Variants in VAX2 observed in about 807,000 individuals in gnomAD.
VAX2 encodes ventral anterior homeobox 2.
In VAX2, 8 loss-of-function variants were observed where a neutral mutation model predicts 12.5. The observed-to-expected ratio is 0.64, with a 90% confidence interval of 0.37 to 1.15. VAX2 has a LOEUF of 1.15. Among genes scored for constraint, VAX2 ranks in the 50% most tolerant of loss-of-function variants. VAX2 has a pLI of 0.01. For synonymous variants in VAX2, 183 were observed against 187.6 expected (o/e 0.98, Z 0.20); for missense variants, 476 against 412.9 (o/e 1.15, Z -1.32).
intron 1 of VAX2, among the ~76,000 whole-genome samples, chr2:70,908,296 A>T (rs1452400386): frequency 2.0e-5 from 3 of 152,134 alleles, no homozygotes; most frequent in Non-Finnish European, 4.4e-5. Flanking sequence ...TACAGGTGGG[A>T]GCCACTGCAC....
At chr2:70,901,757 G>A (rs1678935673) in intron 1 of VAX2, among the ~76,000 whole-genome samples, 1 of 152,230 alleles carries the variant, frequency 6.6e-6, no homozygotes, top group Admixed American at 6.5e-5. Flanking sequence ...GGCGAGATGA[G>A]AGGAGAAAGG....
chr2:70,918,662 C>T (rs148655385), intron 1 of VAX2, among the ~76,000 whole-genome samples: 381 of 151,890 alleles, frequency 2.5e-3, no homozygotes, highest in African/African-American at 8.6e-3. Context: ...TTTGGGTGTC[C>T]GAGGTGGGCA....
intron 2 of VAX2, among the ~76,000 whole-genome samples, chr2:70,931,145 C>T (rs1307947391): frequency 6.6e-6 from 1 of 152,248 alleles, no homozygotes; most frequent in Admixed American, 6.5e-5. Flanking sequence ...GACTGAGCCT[C>T]AGCTTCCTGC....
chr2:70,908,151 T>C (rs1679100675), intron 1 of VAX2, among the ~76,000 whole-genome samples: 2 of 152,254 alleles, frequency 1.3e-5, no homozygotes, highest in African/African-American at 4.8e-5. Flanking sequence ...AATTTAAATA[T>C]ATTTCATTTA....
intron 2 of VAX2, among the ~76,000 whole-genome samples, chr2:70,924,016 C>T (rs1301855673): frequency 2.0e-5 from 3 of 152,100 alleles, no homozygotes; most frequent in Non-Finnish European, 4.4e-5. Context: ...CTGTAAACTG[C>T]AGGGTGTGGT....
chr2:70,921,339 C>T, intron 2 of VAX2, 54 bp downstream of exon 2: 1 of 1,499,584 alleles, frequency 6.7e-7, no homozygotes, highest in Non-Finnish European at 8.9e-7. Context: ...CTGGGAACTC[C>T]TGGGGATATG....
At chr2:70,931,596 G>A (rs1553414316) in intron 2 of VAX2, among the ~76,000 whole-genome samples, 2 of 152,216 alleles carry the variant, frequency 1.3e-5, no homozygotes, top group African/African-American at 4.8e-5. Flanking sequence ...AAGCCAAGGG[G>A]TCTCGCCTGC....
rs372789757 is a variant in VAX2, at chr2:70,932,981, C to T, written c.650C>T (p.Thr217Ile). The T allele has an allele frequency of 2.1e-5, 34 of 1,609,724 alleles. No individual in the cohort carries two copies. The highest frequency in any genetic ancestry group is 6.7e-5 in the Admixed American group (4 of 59,604). The change falls in exon 3 of 3, where the codon ACC (threonine) becomes ATC (isoleucine). Residue 217 changes from threonine (T) to isoleucine (I), a missense_variant. By Grantham distance (89) the Thr-to-Ile change is moderately conservative. Coordinates refer to ENST00000234392, the MANE Select transcript of VAX2 (RefSeq NM_012476.3). The stretch of plus-strand genomic sequence containing the variant: ...GGCCTACCTGCCAGCCACAGGGGCA[C>T]CTCCTTAGGTGACCCCAGGAACTCC... ...LPGLPASHRGTSLGDPRNSSP... is the reference protein window; with the variant it reads ...LPGLPASHRGISLGDPRNSSP...
intron 2 of VAX2, among the ~76,000 whole-genome samples, chr2:70,925,794 C>A (rs373860043): frequency 2.0e-5 from 3 of 152,266 alleles, no homozygotes; most frequent in African/African-American, 7.2e-5. Context: ...CTTTTGGGCC[C>A]GAGGGATTCA....
intron 1 of VAX2, among the ~76,000 whole-genome samples, chr2:70,911,364 C>A (rs2104765094): frequency 6.6e-6 from 1 of 152,246 alleles, no homozygotes; most frequent in African/African-American, 2.4e-5. Flanking sequence ...GATAAACATT[C>A]AGCTTTTCCC....
At chr2:70,921,539 G>T (rs1251609694) in intron 2 of VAX2, among the ~76,000 whole-genome samples, 2 of 152,284 alleles carry the variant, frequency 1.3e-5, no homozygotes, top group East Asian at 3.9e-4. Flanking sequence ...TATGGAAAAG[G>T]TTCAGAGAAA....
chr2:70,933,341 G>C lies in VAX2; in HGVS notation c.*137G>C, dbSNP rs549862983. 119 of 868,208 alleles carry C rather than the reference G, an allele frequency of 1.4e-4. 1 individual carries two copies. The South Asian group carries it at 2.8e-3, about 20-fold the overall frequency. 53.8% of individuals were successfully genotyped at this position (868,208 alleles called of 1,614,324 possible). On this transcript the variant is annotated 3_prime_UTR_variant, in exon 3 of 3. Coordinates refer to ENST00000234392, the MANE Select transcript of VAX2 (RefSeq NM_012476.3). ...TTCCCCACCTGCCCCCCAGCTCAGA[G>C]ACTCGTGACCAAATGGCCTTGGTCC...
At chr2:70,907,972 T>C (rs1028233675) in intron 1 of VAX2, among the ~76,000 whole-genome samples, 7 of 152,282 alleles carry the variant, frequency 4.6e-5, no homozygotes, top group African/African-American at 1.2e-4. Context: ...ATTCCTTTAG[T>C]TGGGGAAAGC....
intron 1 of VAX2, among the ~76,000 whole-genome samples, chr2:70,915,037 G>A (rs1442927701): frequency 6.6e-6 from 1 of 152,072 alleles, no homozygotes; most frequent in Non-Finnish European, 1.5e-5. Context: ...CTGGCCTCAA[G>A]TGATCTGCCC....
At chr2:70,915,015 G>T (rs1679277830) in intron 1 of VAX2, among the ~76,000 whole-genome samples, 1 of 151,954 alleles carries the variant, frequency 6.6e-6, no homozygotes, top group Non-Finnish European at 1.5e-5. Context: ...TGCCCAGGCT[G>T]GTCTCCAATG....
intron 1 of VAX2, among the ~76,000 whole-genome samples, chr2:70,914,314 T>A (rs1553411615): frequency 6.6e-6 from 1 of 152,066 alleles, no homozygotes; most frequent in African/African-American, 2.4e-5. Context: ...GGGGGCGTGG[T>A]GATGGGCACC....
chr2:70,900,732 TG>T lies in VAX2; in HGVS notation c.113del (p.Gly38AlafsTer102). ...GCGGAGCGGGGGACTTGCGAGCTGA[TG>T]GCGGTGGCCACAGCCCAACGGAGGT... ...RSGAGDLRADGGGHSPTEVAG... is the reference protein window; with the variant it reads ...RSGAGDLRADXGGHSPTEVAG... On this transcript the variant is annotated frameshift_variant, in exon 1 of 3. Transcript: ENST00000234392. LOFTEE classifies it high-confidence loss of function. The T allele has an allele frequency of 7.0e-7, 1 of 1,423,328 alleles. No homozygotes were observed. 88.2% of individuals were successfully genotyped at this position (1,423,328 alleles called of 1,614,324 possible). A position where few individuals can be genotyped will look rare whatever the true frequency, so the allele number is the denominator to read the frequency against.
chr2:70,910,830 CA>C (rs1299367522), intron 1 of VAX2, among the ~76,000 whole-genome samples: 3 of 147,488 alleles, frequency 2.0e-5, no homozygotes, highest in Non-Finnish European at 4.5e-5. Flanking sequence ...AAAACAGCAA[CA>C]AAAAACTTTC....
intron 1 of VAX2, among the ~76,000 whole-genome samples, chr2:70,920,020 G>T (rs996477147): frequency 2.0e-5 from 3 of 152,176 alleles, no homozygotes; most frequent in African/African-American, 4.8e-5. Flanking sequence ...CCCCTGGAGG[G>T]TATTGGAATT....
Sources: gnomAD v4.1 joint callset for allele counts (sites outside exome capture counted in the v4.1 genomes callset) on GRCh38, gnomAD v4.1.1 for gene constraint, MANE v1.5 for transcripts, NCBI Gene and HGNC (gene_info 2026-07-23, HGNC 2026-07-21) for gene names.